DNAH10: variants seen among roughly 807,000 people sequenced by gnomAD.
DNAH10 encodes the protein axonemal beta dynein heavy chain 10.
Under a neutral mutation model 506.6 loss-of-function variants are expected in DNAH10, and 348 were observed. The observed-to-expected ratio is 0.69, with a 90% CI of 0.63 to 0.75. The LOEUF (loss-of-function observed/expected upper bound fraction) is 0.75, where lower values mean the gene tolerates loss of function less well. Ranked by LOEUF, DNAH10 falls within the 30% of genes least tolerant of loss-of-function variation. The pLI is 0.00. For missense variants in DNAH10, 5,179 were observed against 5,787.1 expected (o/e 0.89, Z 3.41); for synonymous variants, 2,059 against 2,198.6 (o/e 0.94, Z 1.78).
chr12:123,932,095 A>C lies in DNAH10; in HGVS notation c.13283A>C (p.Gln4428Pro). 1 of 1,613,726 alleles carries C rather than the reference A, an allele frequency of 6.2e-7. No homozygotes were observed. The highest frequency in any genetic ancestry group is 8.5e-7 in the Non-Finnish European group (1 of 1,179,892). The change falls in exon 76 of 79, where the codon CAG becomes CCG. Residue 4428 changes from glutamine to proline, a missense_variant. By Grantham distance (76) the Gln-to-Pro change is moderately conservative. Transcript: ENST00000673944. ...GTCTACTTCCTGCGGCGGTTCAGCC[A>C]GTACATGTTGTGGGTAAGTGGCACG... ...WMVYFLRRFS[Q>P]YMLWVTESEP... is the part of the protein sequence containing the mutation.
chr12:123,932,146 G>A (rs778286269), intron 76 of DNAH10, 38 bp downstream of exon 76: 2 of 1,611,440 alleles, frequency 1.2e-6, no homozygotes, highest in Admixed American at 3.3e-5. Flanking sequence ...TGCCGATTCA[G>A]GTGTCAGCCT....
intron 66 of DNAH10, chr12:123,924,070 G>A (rs969575499): frequency 1.2e-4 from 93 of 753,230 alleles, no homozygotes; most frequent in Non-Finnish European, 1.8e-4. Flanking sequence ...CCTCTGTCTC[G>A]GGGCCATCCT....
At chr12:123,788,652 G>T (rs1957955722) in intron 10 of DNAH10, among the ~76,000 whole-genome samples, 1 of 152,202 alleles carries the variant, frequency 6.6e-6, no homozygotes, top group Non-Finnish European at 1.5e-5. Context: ...AACAGGCCAG[G>T]CATGATGGCT....
At chr12:123,933,937 A>C in intron 77 of DNAH10, 1 of 447,204 alleles carries the variant, frequency 2.2e-6, no homozygotes, top group East Asian at 3.3e-5. Context: ...GGTCCCTTAG[A>C]CATTGGTTAC....
rs1451977393 is a variant in DNAH10 at position 123,794,046 on chromosome 12, AC to A, written c.1921del (p.Arg641GlyfsTer8). The A allele has an allele frequency of 2.3e-6, 3 of 1,286,656 alleles. No homozygotes were observed. The African/African-American group carries it at 4.6e-5, about 20-fold the overall frequency. 79.7% of individuals were successfully genotyped at this position (1,286,656 alleles called of 1,614,324 possible). A position where few individuals can be genotyped will look rare whatever the true frequency, so the allele number is the denominator to read the frequency against. On this transcript the variant is annotated frameshift_variant, in exon 12 of 79. Coordinates refer to ENST00000673944, the MANE Select transcript of DNAH10 (RefSeq NM_001372106.1). LOFTEE classifies it high-confidence loss of function. Reference sequence around the variant, plus strand: ...TTTTAAAATTTAAGCACATTCGTTCACGGGAGGCTGTTAATCGACAAATGAT... The same window carrying A: ...TTTTAAAATTTAAGCACATTCGTTCAGGGAGGCTGTTAATCGACAAATGAT... Reference protein sequence around the residue: ...MLLKFKHIRSREAVNRQMMMK... With the variant: ...MLLKFKHIRSXEAVNRQMMMK...
chr12:123,873,660 C>G lies in DNAH10; in HGVS notation c.7888C>G (p.Pro2630Ala). ...EKRTKDTYGP[P>A]MGKRLLVFMD... ...GCGAACCAAAGATACTTACGGCCCACCCATGGGAAAACGCCTGCTGGTGTT... is the reference window on the plus strand; with the variant it reads ...GCGAACCAAAGATACTTACGGCCCAGCCATGGGAAAACGCCTGCTGGTGTT... Residue 2630 changes from proline (P) to alanine (A), a missense_variant, in exon 46 of 79, where the codon CCC becomes GCC. This residue lies in a region of DNAH10 where 4,844 missense variants were observed against 5,430.5 expected (regional missense o/e 0.89). Transcript: ENST00000673944. 1 of 1,613,458 alleles carries G rather than the reference C, an allele frequency of 6.2e-7. No individual in the cohort carries two copies.
chr12:123,765,638 T>C (rs968772801), intron 1 of DNAH10, among the ~76,000 whole-genome samples: 1 of 152,000 alleles, frequency 6.6e-6, no homozygotes, highest in Non-Finnish European at 1.5e-5. Context: ...CTATCTCCTG[T>C]CTACCTACCT....
intron 72 of DNAH10, 68 bp downstream of exon 72, chr12:123,929,827 T>A (rs1365602985): frequency 1.4e-6 from 2 of 1,444,274 alleles, no homozygotes; most frequent in East Asian, 4.9e-5. Context: ...CGTGCCCCTA[T>A]TTTCCTCTGA....
At chr12:123,826,417 C>T (rs957120568) in intron 24 of DNAH10, among the ~76,000 whole-genome samples, 2 of 152,200 alleles carry the variant, frequency 1.3e-5, no homozygotes, top group South Asian at 2.1e-4. Flanking sequence ...ATACCTCTCA[C>T]TTTTGTCTTT....
At chr12:123,863,729 AT>A (rs1263479440) in intron 39 of DNAH10, among the ~76,000 whole-genome samples, 2 of 152,228 alleles carry the variant, frequency 1.3e-5, no homozygotes, top group African/African-American at 4.8e-5. Context: ...GAGATCCTTA[AT>A]TGCGTTTGCA....
chr12:123,773,516 C>T (rs1223504234), intron 4 of DNAH10, among the ~76,000 whole-genome samples: 1 of 152,198 alleles, frequency 6.6e-6, no homozygotes, highest in Non-Finnish European at 1.5e-5. Flanking sequence ...GGCTGGGGGG[C>T]TTCACCAACA....
At chr12:123,810,606 T>C (rs774659862) in intron 19 of DNAH10, among the ~76,000 whole-genome samples, 36 of 151,734 alleles carry the variant, frequency 2.4e-4, no homozygotes, top group Non-Finnish European at 4.3e-4. Context: ...GGCAGGAGAA[T>C]GGTGTGAACC....
At chr12:123,874,735 T>C (rs1159003342) in intron 46 of DNAH10, among the ~76,000 whole-genome samples, 2 of 152,232 alleles carry the variant, frequency 1.3e-5, no homozygotes, top group South Asian at 2.1e-4. Flanking sequence ...AATGCTTGTC[T>C]TAAAGCTTGA....
rs571972729 is a variant in DNAH10, at chr12:123,928,860, C to T, written c.12306+273C>T. The stretch of plus-strand genomic sequence containing the variant: ...CTACTTTTCATAAACTTCACGGCCC[C>T]CCCCCCCACACACAGCCTGCAGTTC... On this transcript the variant is annotated intron_variant, in intron 70 of 78. Coordinates refer to ENST00000673944, the MANE Select transcript of DNAH10 (RefSeq NM_001372106.1). This position sits in a 1 kb window ranked among gnomAD's most constrained non-coding sequence, Gnocchi z 4.9. 48 of 465,770 alleles carry T rather than the reference C, an allele frequency of 1.0e-4. 1 individual carries two copies. Among genetic ancestry groups the T allele is most frequent in the African/African-American group, 9.8e-4 (35 of 35,560 alleles). 28.9% of individuals were successfully genotyped at this position (465,770 alleles called of 1,614,324 possible). A position where few individuals can be genotyped will look rare whatever the true frequency, so the allele number is the denominator to read the frequency against.
chr12:123,808,988 G>A (rs761378267), intron 19 of DNAH10, 35 bp downstream of exon 19: 38 of 1,610,896 alleles, frequency 2.4e-5, no homozygotes, highest in Non-Finnish European at 2.8e-5. Context: ...TTGCTCAGAC[G>A]GCATCTCAGG....
Position 123,767,619 on chromosome 12 carries a change from C to T in DNAH10, c.228C>T (p.Val76=), listed in dbSNP as rs971205123. 2 of 1,612,358 alleles carry T rather than the reference C, an allele frequency of 1.2e-6. No individual in the cohort carries two copies. The highest frequency in any genetic ancestry group is 1.3e-5 in the African/African-American group (1 of 74,882). The change falls in exon 2 of 79, where the codon GTC becomes GTT. Residue 76 remains valine (V), a synonymous_variant. Coordinates refer to ENST00000673944, the MANE Select transcript of DNAH10 (RefSeq NM_001372106.1). ...GTGGCCATAAAGATGAGATACCTGT[C>T]CTGTCTGAAGAGGGAGAAGAGGAAG... The part of the protein sequence containing the change: ...EVEVEIDEIP[V]LSEEGEEEEE...
Position 123,841,489 on chromosome 12 carries a change from A to G in DNAH10, c.5304A>G (p.Arg1768=). Residue 1768 remains arginine (R), a synonymous_variant, in exon 30 of 79, where the codon AGA becomes AGG. Transcript: ENST00000673944. ...CGGCAGTTTTGAATGAGATGAGAAG[A>G]ACTAATAGACTAATTACCAAAGAGG... ...WMTAVLNEMR[R]TNRLITKEAI... is the part of the protein sequence containing the mutation. 1.9e-6 allele frequency: 3 copies of G among 1,613,998 alleles called. No homozygotes were observed. Among genetic ancestry groups the G allele is most frequent in the Non-Finnish European group, 2.5e-6 (3 of 1,179,900 alleles).
At chr12:123,895,679 A>G (rs1012763108) in intron 54 of DNAH10, among the ~76,000 whole-genome samples, 1 of 152,226 alleles carries the variant, frequency 6.6e-6, no homozygotes, top group Non-Finnish European at 1.5e-5. Flanking sequence ...GCCAGCCCCA[A>G]TATAGATGTC....
chr12:123,929,118 C>T, intron 70 of DNAH10, 157 bp from the exon 71 acceptor site: 1 of 746,704 alleles, frequency 1.3e-6, no homozygotes, highest in East Asian at 2.7e-5. Flanking sequence ...CCTTTAACTT[C>T]TCAGCCTGGG....
Sources: gnomAD v4.1 joint callset for allele counts (sites outside exome capture counted in the v4.1 genomes callset) on GRCh38, gnomAD v4.1.1 for gene constraint, gnomAD v4.1.1 regional missense constraint, Gnocchi (gnomAD v3.1) non-coding constraint, MANE v1.5 for transcripts, NCBI Gene and HGNC (gene_info 2026-07-23, HGNC 2026-07-21) for gene names.